CELF2: variants seen among roughly 807,000 people sequenced by gnomAD.
CELF2 encodes CUGBP Elav-like family member 2.
In CELF2, 8 loss-of-function variants were observed where a neutral mutation model predicts 62.6. The observed-to-expected ratio is 0.13, with a 90% CI of 0.07 to 0.23. CELF2 has a LOEUF of 0.23. CELF2 is among the 10% of genes least tolerant of loss of function. The pLI is 1.00. For missense variants in CELF2, 333 were observed against 671.0 expected (o/e 0.50, Z 5.56); for synonymous variants, 258 against 250.0 (o/e 1.03, Z -0.30).
chr10:10,757,918 C>G, the CELF2 span, among the ~76,000 whole-genome samples: 2 of 151,980 alleles, frequency 1.3e-5, no homozygotes, highest in African/African-American at 4.8e-5. Context: ...GTAAACTAGG[C>G]CCCTATGGAA....
chr10:10,983,280 A>G lies in CELF2; in HGVS notation c.89+63281A>G, dbSNP rs1423796367. On this transcript the variant is annotated intron_variant, in intron 2 of 13. Transcript: ENST00000636488. This position sits in a 1 kb window ranked among gnomAD's most constrained non-coding sequence, Gnocchi z 5.2. ...CACACATGTCCACATAGCATTATTT[A>G]TACACATTTTAGTAAAACTAGCTGA... Among the ~76,000 whole-genome samples the G allele has an allele frequency of 6.6e-6, 1 of 152,204 alleles. No homozygotes were observed. Among genetic ancestry groups the G allele is most frequent in the Non-Finnish European group, 1.5e-5 (1 of 68,036 alleles).
At chr10:11,208,946 G>A (rs2061108327) in intron 2 of CELF2, among the ~76,000 whole-genome samples, 2 of 152,214 alleles carry the variant, frequency 1.3e-5, no homozygotes, top group South Asian at 2.1e-4. Flanking sequence ...GAAGTCATGA[G>A]AAGGCAACGC....
At chr10:10,577,949 T>C in the CELF2 span, among the ~76,000 whole-genome samples, 1 of 152,216 alleles carries the variant, frequency 6.6e-6, no homozygotes, top group Non-Finnish European at 1.5e-5. Context: ...ACTTCCGCAA[T>C]GGTTGAACTA....
chr10:10,483,826 T>C, the CELF2 span, among the ~76,000 whole-genome samples: 2 of 152,002 alleles, frequency 1.3e-5, no homozygotes, highest in Non-Finnish European at 2.9e-5. Flanking sequence ...AAAAATTGTA[T>C]TCCTCTTGCA....
chr10:10,543,512 C>T, the CELF2 span, among the ~76,000 whole-genome samples: 3 of 152,136 alleles, frequency 2.0e-5, no homozygotes, highest in African/African-American at 7.2e-5. Context: ...ATGTAAACAA[C>T]ACAGCTGGCT....
the CELF2 span, among the ~76,000 whole-genome samples, chr10:10,494,074 A>G: frequency 1.3e-5 from 2 of 152,318 alleles, no homozygotes; most frequent in African/African-American, 4.8e-5. Context: ...GTCTCTCCCA[A>G]GAGAGGCTGA....
the CELF2 span, among the ~76,000 whole-genome samples, chr10:10,733,314 C>T: frequency 6.6e-6 from 1 of 152,172 alleles, no homozygotes; most frequent in Admixed American, 6.5e-5. Flanking sequence ...TAGAAAATTA[C>T]ATTTTTTTCT....
At chr10:11,258,662 C>T (rs2079525350) in intron 5 of CELF2, among the ~76,000 whole-genome samples, 1 of 152,214 alleles carries the variant, frequency 6.6e-6, no homozygotes, top group Non-Finnish European at 1.5e-5. Flanking sequence ...GACTGCACTT[C>T]CCTGAGTCAG....
rs1038980195 is a variant in CELF2, at chr10:11,260,745, T to C, written c.538+2873T>C. On this transcript the variant is annotated intron_variant, in intron 5 of 12. Coordinates refer to ENST00000633077, the MANE Select transcript of CELF2 (RefSeq NM_001326342.2). This position sits in a 1 kb window ranked among gnomAD's most constrained non-coding sequence, Gnocchi z 4.2. ...GAAAAATAAGAAAGAAAGAAAATAC[T>C]CATTTATAACCATTTATCCTGAGAA... is the stretch of plus-strand genomic sequence containing the variant. 1.3e-5 allele frequency among the ~76,000 whole-genome samples: 2 copies of C among 152,060 alleles called. No homozygotes were observed. The highest frequency in any genetic ancestry group is 2.9e-5 in the Non-Finnish European group (2 of 68,040).
At chr10:11,262,393 T>G (rs576782007) in intron 5 of CELF2, among the ~76,000 whole-genome samples, 34 of 152,290 alleles carry the variant, frequency 2.2e-4, no homozygotes, top group Non-Finnish European at 3.7e-4. Flanking sequence ...ACAACAAGCA[T>G]GTACACAGAA....
intron 2 of CELF2, among the ~76,000 whole-genome samples, chr10:10,940,181 T>C (rs545039317): frequency 6.6e-6 from 1 of 152,332 alleles, no homozygotes; most frequent in East Asian, 1.9e-4. Context: ...TCAGCTACCT[T>C]AACTCTAAAG....
At position 11,098,401 on chromosome 10, in the gene CELF2, A is replaced by G. The variant is rs1331833101; in HGVS notation, c.75-67085A>G. The G allele has an allele frequency of 1.3e-5, 2 of 152,176 alleles. No individual in the cohort carries two copies. The highest frequency in any genetic ancestry group is 2.4e-5 in the African/African-American group (1 of 41,404). The allele number at this position is 152,176 out of a possible 1,614,324, so 9.4% of individuals were successfully genotyped here. A position where few individuals can be genotyped will look rare whatever the true frequency, so the allele number is the denominator to read the frequency against. The stretch of plus-strand genomic sequence containing the variant: ...CTAATTCTCCCTCCTGCTTAGCTCC[A>G]TTTGCCCTTAGGTCAGGCACATTGA... On this transcript the variant is annotated intron_variant, in intron 1 of 12. Transcript: ENST00000633077. The surrounding 1 kb of genome is among the most constrained non-coding windows in gnomAD (Gnocchi z 4.0).
intron 1 of CELF2, among the ~76,000 whole-genome samples, chr10:11,041,240 C>G (rs902518191): frequency 6.6e-6 from 1 of 152,216 alleles, no homozygotes; most frequent in Admixed American, 6.5e-5. Context: ...CACTTCCTAA[C>G]ACCATCATGT....
At chr10:10,880,035 G>T (rs1423086348) in intron 1 of CELF2, among the ~76,000 whole-genome samples, 2 of 152,178 alleles carry the variant, frequency 1.3e-5, no homozygotes, top group Non-Finnish European at 2.9e-5. Context: ...CTAAGTAGAA[G>T]AAAATGTGCC....
chr10:10,592,510 T>G, the CELF2 span, among the ~76,000 whole-genome samples: 1 of 152,240 alleles, frequency 6.6e-6, no homozygotes, highest in South Asian at 2.1e-4. Context: ...AATGTTAAAG[T>G]CTCTGACACA....
At chr10:10,547,220 C>T in the CELF2 span, among the ~76,000 whole-genome samples, 3 of 152,126 alleles carry the variant, frequency 2.0e-5, no homozygotes, top group Non-Finnish European at 4.4e-5. Context: ...ACTTGCCTAT[C>T]GAGAAATATC....
At chr10:10,955,852 C>T (rs758568160) in intron 2 of CELF2, among the ~76,000 whole-genome samples, 45 of 152,282 alleles carry the variant, frequency 3.0e-4, no homozygotes, top group Non-Finnish European at 5.7e-4. Context: ...ACAGGGGTCC[C>T]TTCAAGTTAC....
chr10:10,780,709 G>A, the CELF2 span, among the ~76,000 whole-genome samples: 2 of 152,158 alleles, frequency 1.3e-5, no homozygotes, highest in East Asian at 3.9e-4. Context: ...TCCATCTCTT[G>A]ACCTTGCCAT....
chr10:11,089,920 A>C (rs1475386691), intron 1 of CELF2, among the ~76,000 whole-genome samples: 1 of 152,188 alleles, frequency 6.6e-6, no homozygotes, highest in African/African-American at 2.4e-5. Context: ...ACTCATGGAG[A>C]AACAGAAAAC....
Sources: allele counts gnomAD v4.1 joint callset (sites outside exome capture counted in the v4.1 genomes callset), GRCh38; gene constraint gnomAD v4.1.1; non-coding constraint Gnocchi (gnomAD v3.1); transcripts MANE v1.5; gene names NCBI Gene and HGNC (gene_info 2026-07-23, HGNC 2026-07-21).